Variants in MXI1 observed in about 807,000 individuals in gnomAD.
MXI1 encodes MAX interactor 1, dimerization protein.
A neutral mutation model predicts 36.9 loss-of-function variants in MXI1; 18 were observed. The observed-to-expected ratio is 0.49, with a 90% CI of 0.34 to 0.72. The LOEUF (loss-of-function observed/expected upper bound fraction) is 0.72. Ranked by LOEUF, MXI1 falls within the 30% of genes least tolerant of loss-of-function variation. The probability of loss-of-function intolerance (pLI) is 0.01; values close to 1 mark genes in which losing one functional copy is unlikely to be tolerated. For missense variants in MXI1, 304 were observed against 379.1 expected, an observed-to-expected ratio of 0.80 and a Z score of 1.64; for synonymous variants, 160 against 146.7, an observed-to-expected ratio of 1.09 and a Z score of -0.65.
Position 110,279,974 on chromosome 10 carries a change from A to G in MXI1, c.613A>G (p.Arg205Gly). 1 of 1,613,406 alleles carries G rather than the reference A, an allele frequency of 6.2e-7. No homozygotes were observed. Among genetic ancestry groups the G allele is most frequent in the Non-Finnish European group, 8.5e-7 (1 of 1,179,562 alleles). Residue 205 changes from arginine to glycine, a missense_variant, in exon 5 of 6, where the codon AGA becomes GGA. Around this residue, in one of 2 missense-constraint regions of MXI1, gnomAD observed 125 missense variants for 194.3 expected, o/e 0.64. Transcript: ENST00000332674. ...GCTCGAGAATTTGGAACGAGAACAG[A>G]GATTTTTAAAGTGGCGACTGGAACA... ...HQLENLEREQ[R>G]FLKWRLEQLQ...
intron 1 of MXI1, among the ~76,000 whole-genome samples, chr10:110,224,811 C>T (rs1363378658): frequency 6.6e-6 from 1 of 152,036 alleles, no homozygotes. Flanking sequence ...CCATGCCCGG[C>T]TAATTTTTGT....
In MXI1 at chr10:110,287,076, G is replaced by A. The variant is rs982669695; in HGVS notation, c.*2089G>A. ...CAAAGTGAATGAAGCCAGTGACTAA[G>A]CTTCTGTTTGTTTTGTTATTCTCAT... On this transcript the variant is annotated 3_prime_UTR_variant, in exon 6 of 6. Coordinates refer to ENST00000332674, the MANE Select transcript of MXI1 (RefSeq NM_130439.3). The A allele has an allele frequency of 6.6e-6, 1 of 152,194 alleles. No homozygotes were observed. The highest frequency in any genetic ancestry group is 1.5e-5 in the Non-Finnish European group (1 of 68,040). The allele number at this position is 152,194 out of a possible 1,614,324, so 9.4% of individuals were successfully genotyped here.
intron 3 of MXI1, among the ~76,000 whole-genome samples, chr10:110,265,456 C>T (rs1024638939): frequency 2.6e-5 from 4 of 152,076 alleles, no homozygotes; most frequent in Admixed American, 1.3e-4. Context: ...TCTTAACAGT[C>T]TTATATACCC....
intron 1 of MXI1, among the ~76,000 whole-genome samples, chr10:110,215,449 C>A (rs1854613881): frequency 6.6e-6 from 1 of 152,134 alleles, no homozygotes; most frequent in South Asian, 2.1e-4. Context: ...GTCTGAGACC[C>A]AGAGAGGGAC....
At chr10:110,279,390 G>A in intron 4 of MXI1, 96 bp downstream of exon 4, 1 of 1,009,456 alleles carries the variant, frequency 9.9e-7, no homozygotes, top group East Asian at 2.4e-5. Context: ...AGTTCACCAT[G>A]CCCTCCTTAA....
At chr10:110,241,591 C>T (rs564548565) in intron 2 of MXI1, among the ~76,000 whole-genome samples, 36 of 152,008 alleles carry the variant, frequency 2.4e-4, no homozygotes, top group African/African-American at 8.7e-4. Context: ...TTGTACTGTC[C>T]TCACAGCTGA....
chr10:110,245,411 T>C (rs1855826531), intron 3 of MXI1, among the ~76,000 whole-genome samples: 1 of 152,284 alleles, frequency 6.6e-6, no homozygotes, highest in Non-Finnish European at 1.5e-5. Context: ...ATTAAAGTAC[T>C]ATATAATGTG....
In MXI1 at chr10:110,236,556, A is replaced by G. The variant is rs528909367; in HGVS notation, c.407+8235A>G. 4.6e-5 allele frequency among the ~76,000 whole-genome samples: 7 copies of G among 152,252 alleles called. No individual in the cohort carries two copies. The South Asian group carries it at 1.2e-3, about 27-fold the overall frequency. ...CTGCAGCCTTAACCTTCTCGGGCTC[A>G]GGTGATTCTCCCATCGCAGCCTCCT... On this transcript the variant is annotated intron_variant, in intron 2 of 5. Transcript: ENST00000332674.
At chr10:110,268,778 C>G (rs1476923094) in intron 3 of MXI1, among the ~76,000 whole-genome samples, 2 of 151,674 alleles carry the variant, frequency 1.3e-5, no homozygotes, top group African/African-American at 4.8e-5. Context: ...AAAAGTGATA[C>G]AGTATAATGA....
intron 3 of MXI1, among the ~76,000 whole-genome samples, chr10:110,264,018 G>T (rs1178918162): frequency 6.6e-6 from 1 of 152,124 alleles, no homozygotes; most frequent in Non-Finnish European, 1.5e-5. Context: ...TACAGAGATT[G>T]TTATTGAAGT....
intron 1 of MXI1, among the ~76,000 whole-genome samples, chr10:110,224,304 G>A (rs374466294): frequency 8.5e-5 from 13 of 152,202 alleles, no homozygotes; most frequent in South Asian, 4.1e-4. Flanking sequence ...ATTCAAGTAC[G>A]ATTCTCTTGT....
chr10:110,246,218 G>A (rs1855859764), intron 3 of MXI1, among the ~76,000 whole-genome samples: 1 of 151,888 alleles, frequency 6.6e-6, no homozygotes, highest in Non-Finnish European at 1.5e-5. Context: ...AGCTACTCAG[G>A]AGGCTAAGGC....
chr10:110,253,100 C>T (rs897629646), intron 3 of MXI1, among the ~76,000 whole-genome samples: 22 of 152,010 alleles, frequency 1.4e-4, no homozygotes, highest in African/African-American at 4.8e-4. Flanking sequence ...TTATTCCTTT[C>T]TCATCCCATG....
chr10:110,215,635 T>C (rs1420728275), intron 1 of MXI1, among the ~76,000 whole-genome samples: 1 of 152,222 alleles, frequency 6.6e-6, no homozygotes, highest in African/African-American at 2.4e-5. Flanking sequence ...TCCCAGGGTG[T>C]GTCCGGTTAT....
intron 2 of MXI1, among the ~76,000 whole-genome samples, chr10:110,243,396 C>T (rs1321933930): frequency 6.6e-6 from 1 of 152,028 alleles, no homozygotes; most frequent in Admixed American, 6.6e-5. Flanking sequence ...GGATAGGAGA[C>T]AGTAACTCAA....
At chr10:110,284,784 C>T (rs1244441732) in intron 5 of MXI1, 40 bp from the exon 6 acceptor site, 15 of 1,535,662 alleles carry the variant, frequency 9.8e-6, no homozygotes, top group Non-Finnish European at 1.1e-5. Flanking sequence ...GCGCTATACT[C>T]GATAATTAAT....
At chr10:110,261,428 C>CTTTT in intron 3 of MXI1, among the ~76,000 whole-genome samples, 1 of 123,558 alleles carries the variant, frequency 8.1e-6, no homozygotes. Flanking sequence ...CTATTCAAAC[C>CTTTT]ATTTTTTTTT....
At chr10:110,258,170 T>C (rs1856382893) in intron 3 of MXI1, among the ~76,000 whole-genome samples, 1 of 152,202 alleles carries the variant, frequency 6.6e-6, no homozygotes, top group Admixed American at 6.5e-5. Context: ...GATCAGGAAG[T>C]AGCTACTGAT....
intron 3 of MXI1, among the ~76,000 whole-genome samples, chr10:110,268,453 C>T (rs1169086832): frequency 6.6e-6 from 1 of 151,968 alleles, no homozygotes; most frequent in African/African-American, 2.4e-5. Flanking sequence ...ATGTTGCAAC[C>T]CAGATATAAC....
Sources: allele counts gnomAD v4.1 joint callset (sites outside exome capture counted in the v4.1 genomes callset), GRCh38; gene constraint gnomAD v4.1.1; regional missense constraint gnomAD v4.1.1; transcripts MANE v1.5; gene names NCBI Gene and HGNC (gene_info 2026-07-23, HGNC 2026-07-21).